GALNT13: variants seen among roughly 807,000 people sequenced by gnomAD.
The protein encoded by GALNT13 is UDP-GalNAc:polypeptide N-acetylgalactosaminyltransferase 13.
GALNT13 carries 28 observed loss-of-function variants against 64.2 expected under a neutral mutation model. The observed-to-expected ratio is 0.44, with a 90% CI of 0.32 to 0.60. GALNT13 has a LOEUF of 0.60. Ranked by LOEUF, GALNT13 falls within the 20% of genes least tolerant of loss-of-function variation. The pLI, the probability that GALNT13 is intolerant of heterozygous loss-of-function variation, is 0.05. For synonymous variants in GALNT13, 214 were observed against 224.6 expected (o/e 0.95, Z 0.42); for missense variants, 577 against 669.8 (o/e 0.86, Z 1.53).
chr2:153,768,110 A>C, the GALNT13 span, among the ~76,000 whole-genome samples: 1 of 152,024 alleles, frequency 6.6e-6, no homozygotes, highest in Admixed American at 6.6e-5. Context: ...TTAATATTCA[A>C]TTTTGTTTAT....
At chr2:153,766,893 G>C in the GALNT13 span, among the ~76,000 whole-genome samples, 16 of 152,026 alleles carry the variant, frequency 1.1e-4, no homozygotes, top group African/African-American at 3.4e-4. Context: ...CATTATCGGA[G>C]TTTTCTTATT....
the GALNT13 span, among the ~76,000 whole-genome samples, chr2:153,283,267 A>G: frequency 6.6e-6 from 1 of 152,160 alleles, no homozygotes; most frequent in South Asian, 2.1e-4. Context: ...CTAGTCATGG[A>G]GCTGAGAAAT....
chr2:154,154,775 G>A (rs551489305), intron 4 of GALNT13, among the ~76,000 whole-genome samples: 38 of 152,176 alleles, frequency 2.5e-4, no homozygotes, highest in South Asian at 6.2e-4. Context: ...GCATTTATAG[G>A]AAAGACAGAA....
the GALNT13 span, among the ~76,000 whole-genome samples, chr2:153,374,150 A>T: frequency 6.6e-6 from 1 of 152,228 alleles, no homozygotes; most frequent in East Asian, 1.9e-4. Flanking sequence ...TGTATTTTTA[A>T]TTTTTTGAAG....
At chr2:154,283,760 T>A (rs1692097542) in intron 8 of GALNT13, among the ~76,000 whole-genome samples, 2 of 152,136 alleles carry the variant, frequency 1.3e-5, no homozygotes, top group South Asian at 4.2e-4. Context: ...CACATCCACA[T>A]ACATATACAT....
At chr2:153,648,280 T>G in the GALNT13 span, among the ~76,000 whole-genome samples, 2 of 152,216 alleles carry the variant, frequency 1.3e-5, no homozygotes, top group African/African-American at 4.8e-5. Flanking sequence ...CTGATATTGG[T>G]GTATAAGAAT....
the GALNT13 span, among the ~76,000 whole-genome samples, chr2:153,258,391 A>AAACAAAACAAAACAG: frequency 6.6e-6 from 1 of 152,102 alleles, no homozygotes; most frequent in South Asian, 2.1e-4. Flanking sequence ...AAACAAAACA[A>AAACAAAACAAAACAG]AACAAAACAA....
intron 3 of GALNT13, among the ~76,000 whole-genome samples, chr2:153,974,311 G>A (rs898531076): frequency 2.2e-4 from 34 of 152,052 alleles, no homozygotes; most frequent in African/African-American, 7.5e-4. Context: ...GTTAACAATC[G>A]TACTTTTGTA....
rs140010081 is a variant in GALNT13, at chr2:154,375,754, G to C, written c.1157-20237G>C. ...GTCTTTCTGATACGCTCTTAGGAGA[G>C]GGACTGTTTTTTTGCACGGAGGGAT... On this transcript the variant is annotated intron_variant, in intron 9 of 12. Coordinates refer to ENST00000392825, the MANE Select transcript of GALNT13 (RefSeq NM_052917.4). 3.9e-4 allele frequency among the ~76,000 whole-genome samples: 60 copies of C among 152,250 alleles called. 2 individuals are homozygous for C. The East Asian group carries it at 0.012, about 30-fold the overall frequency.
intron 10 of GALNT13, among the ~76,000 whole-genome samples, chr2:154,397,871 T>C (rs968469535): frequency 2.0e-5 from 3 of 152,210 alleles, no homozygotes; most frequent in Admixed American, 1.3e-4. Flanking sequence ...TGTATGACTT[T>C]AGACTAGTCA....
intron 3 of GALNT13, among the ~76,000 whole-genome samples, chr2:153,952,734 T>G (rs1692283724): frequency 1.3e-5 from 2 of 151,486 alleles, no homozygotes; most frequent in South Asian, 4.2e-4. Context: ...ATAGGCTATC[T>G]GCAAGCTGAG....
chr2:154,331,216 G>A (rs1695150058), intron 9 of GALNT13, among the ~76,000 whole-genome samples: 1 of 152,028 alleles, frequency 6.6e-6, no homozygotes, highest in East Asian at 1.9e-4. Flanking sequence ...GGGGAAATAT[G>A]TGGCAACAAG....
At chr2:153,883,077 T>TTATATA (rs57783197) in intron 1 of GALNT13, among the ~76,000 whole-genome samples, 2 of 144,220 alleles carry the variant, frequency 1.4e-5, no homozygotes, top group Non-Finnish European at 3.0e-5. Context: ...TATATGTATA[T>TTATATA]TATATATATA....
At chr2:153,582,472 G>C in the GALNT13 span, among the ~76,000 whole-genome samples, 1 of 152,034 alleles carries the variant, frequency 6.6e-6, no homozygotes, top group Non-Finnish European at 1.5e-5. Context: ...CGGTTATACA[G>C]CAATTCAGTG....
chr2:154,122,837 GA>G (rs1221841482), intron 3 of GALNT13, among the ~76,000 whole-genome samples: 1 of 151,834 alleles, frequency 6.6e-6, no homozygotes, highest in Non-Finnish European at 1.5e-5. Flanking sequence ...AGTAGTGCAA[GA>G]AACACTAACA....
chr2:154,164,189 A>G (rs1234561100), intron 4 of GALNT13, among the ~76,000 whole-genome samples: 2 of 152,170 alleles, frequency 1.3e-5, no homozygotes, highest in Non-Finnish European at 2.9e-5. Flanking sequence ...AAAATAGTTA[A>G]GAATAGAGCA....
At chr2:154,369,306 C>G (rs13017278) in intron 9 of GALNT13, among the ~76,000 whole-genome samples, 10,032 of 151,894 alleles carry the variant, frequency 0.066, 335 homozygotes, top group Middle Eastern at 0.11. Flanking sequence ...TTACATGTAA[C>G]CTGGGGTAAG....
chr2:154,247,827 A>G (rs1559047425), intron 7 of GALNT13, among the ~76,000 whole-genome samples: 2 of 152,112 alleles, frequency 1.3e-5, no homozygotes, highest in Non-Finnish European at 2.9e-5. Context: ...TGAGAGAAAC[A>G]GAGAAACCTC....
At chr2:153,173,914 G>C in the GALNT13 span, among the ~76,000 whole-genome samples, 1 of 152,184 alleles carries the variant, frequency 6.6e-6, no homozygotes, top group Admixed American at 6.5e-5. Context: ...AAATACAATA[G>C]TGGGACCAGC....
Sources: gnomAD v4.1 joint callset for allele counts (sites outside exome capture counted in the v4.1 genomes callset) on GRCh38, gnomAD v4.1.1 for gene constraint, MANE v1.5 for transcripts, NCBI Gene and HGNC (gene_info 2026-07-23, HGNC 2026-07-21) for gene names.